PVT1: variants seen among roughly 807,000 people sequenced by gnomAD.
PVT1 encodes CXCR4/PVT1 fusion.
chr8:127,960,352 G>A (rs1280967701), intron 3 of PVT1, among the ~76,000 whole-genome samples: 1 of 152,118 alleles, frequency 6.6e-6, no homozygotes, highest in African/African-American at 2.4e-5. Flanking sequence ...TTGCCTCCCT[G>A]GTCTTGCCTC....
At chr8:127,919,536 G>T (rs1270774228) in intron 3 of PVT1, among the ~76,000 whole-genome samples, 1 of 152,162 alleles carries the variant, frequency 6.6e-6, no homozygotes, top group African/African-American at 2.4e-5. Context: ...AGTGGGGTCT[G>T]CCCCCTCCCC....
chr8:127,828,031 G>A (rs968669450), intron 2 of PVT1, among the ~76,000 whole-genome samples: 7 of 152,070 alleles, frequency 4.6e-5, no homozygotes, highest in Middle Eastern at 3.2e-3. Context: ...CCTACTTTTT[G>A]TTTCTCCATT....
intron 3 of PVT1, among the ~76,000 whole-genome samples, chr8:127,934,024 T>C (rs1011941294): frequency 6.6e-6 from 1 of 152,220 alleles, no homozygotes; most frequent in Non-Finnish European, 1.5e-5. Context: ...AAGTCAACAT[T>C]GTAGTTGCTG....
chr8:127,900,687 T>A (rs1815748730), intron 3 of PVT1, among the ~76,000 whole-genome samples: 1 of 152,236 alleles, frequency 6.6e-6, no homozygotes, highest in Non-Finnish European at 1.5e-5. Flanking sequence ...TTGTAAACAA[T>A]GCTGTCATGA....
intron 5 of PVT1, among the ~76,000 whole-genome samples, chr8:128,074,617 A>G (rs1466325751): frequency 6.6e-6 from 1 of 151,898 alleles, no homozygotes; most frequent in East Asian, 1.9e-4. Flanking sequence ...AGCTATCTTC[A>G]TTTAATGTGG....
At chr8:127,994,011 C>A (rs1413136420) in intron 4 of PVT1, among the ~76,000 whole-genome samples, 1 of 152,196 alleles carries the variant, frequency 6.6e-6, no homozygotes, top group Non-Finnish European at 1.5e-5. Flanking sequence ...GAGATCCCCC[C>A]TGCTCATGGA....
At chr8:127,960,624 C>T (rs1016450035) in intron 3 of PVT1, 1 of 510,070 alleles carries the variant, frequency 2.0e-6, no homozygotes, top group African/African-American at 2.0e-5. Context: ...AAAGTGAACA[C>T]TTATCACTGA....
chr8:128,040,663 A>C (rs1813519367), intron 4 of PVT1, among the ~76,000 whole-genome samples: 1 of 152,188 alleles, frequency 6.6e-6, no homozygotes, highest in Non-Finnish European at 1.5e-5. Context: ...GAGCCAGTCC[A>C]TGGGGCCGCA....
intron 5 of PVT1, among the ~76,000 whole-genome samples, chr8:128,074,086 G>A (rs1814046966): frequency 6.6e-6 from 1 of 152,158 alleles, no homozygotes; most frequent in African/African-American, 2.4e-5. Flanking sequence ...GTGATGCACT[G>A]TATTCAAGTG....
chr8:127,994,352 C>A (rs932954444), intron 4 of PVT1, among the ~76,000 whole-genome samples: 1 of 152,208 alleles, frequency 6.6e-6, no homozygotes, highest in Non-Finnish European at 1.5e-5. Flanking sequence ...ACCTCCCCAG[C>A]ACCTTGTGTG....
intron 4 of PVT1, among the ~76,000 whole-genome samples, chr8:128,069,344 TA>T (rs1813953071): frequency 6.6e-6 from 1 of 152,182 alleles, no homozygotes; most frequent in Non-Finnish European, 1.5e-5. Flanking sequence ...TAGAATAAAG[TA>T]AAAGGCAATA....
intron 4 of PVT1, among the ~76,000 whole-genome samples, chr8:128,005,284 T>C (rs536185417): frequency 6.6e-6 from 1 of 152,302 alleles, no homozygotes; most frequent in African/African-American, 2.4e-5. Flanking sequence ...TCAGCTATCG[T>C]TAGTGTTAGT....
chr8:127,817,525 T>A (rs371277483), intron 2 of PVT1, among the ~76,000 whole-genome samples: 3 of 33,064 alleles, frequency 9.1e-5, no homozygotes, highest in African/African-American at 4.7e-4. Context: ...ATATATCTAT[T>A]TAAATATATA....
At chr8:127,868,795 A>ATATATATGTATATACATATATATATACG (rs1815319073) in intron 2 of PVT1, among the ~76,000 whole-genome samples, 2 of 55,328 alleles carry the variant, frequency 3.6e-5, no homozygotes, top group Non-Finnish European at 8.9e-5. Flanking sequence ...ATATATATAC[A>ATATATATGTATATACATATATATATACG]TATATATGTA....
At chr8:127,862,195 G>C (rs1019221213) in intron 2 of PVT1, among the ~76,000 whole-genome samples, 1 of 152,158 alleles carries the variant, frequency 6.6e-6, no homozygotes, top group Admixed American at 6.5e-5. Context: ...ATCACTTGAG[G>C]TCAGGAGTTC....
At chr8:127,874,193 C>T (rs544151841) in intron 2 of PVT1, among the ~76,000 whole-genome samples, 11 of 152,220 alleles carry the variant, frequency 7.2e-5, no homozygotes, top group Admixed American at 3.3e-4. Context: ...GTAGAGGTGA[C>T]AGGCTTAGGA....
intron 3 of PVT1, among the ~76,000 whole-genome samples, chr8:127,897,059 C>T (rs1391078849): frequency 6.6e-6 from 1 of 152,134 alleles, no homozygotes; most frequent in Non-Finnish European, 1.5e-5. Context: ...TGTAACAAGC[C>T]TTGAGAAAAC....
At chr8:128,047,141 T>C (rs1813624845) in intron 4 of PVT1, among the ~76,000 whole-genome samples, 1 of 152,262 alleles carries the variant, frequency 6.6e-6, no homozygotes, top group South Asian at 2.1e-4. Flanking sequence ...AGTTGACATT[T>C]GCTGTGCCTT....
chr8:127,960,948 G>A lies in PVT1; in HGVS notation n.783-28214G>A, dbSNP rs1476652260. ...CTTGTGTGTGTGTTTGGGGGTGGGG[G>A]GGGCGGGCGGGCACGAATAGGGGAG... On this transcript the variant is annotated intron_variant and non_coding_transcript_variant, in intron 3 of 10. Transcript: ENST00000651587. 2.9e-4 allele frequency among the ~76,000 whole-genome samples: 39 copies of A among 132,568 alleles called. 1 individual carries two copies. The highest frequency in any genetic ancestry group is 8.3e-4 in the Admixed American group (11 of 13,318). 87.0% of individuals were successfully genotyped at this position (132,568 alleles called of 152,430 possible). A position where few individuals can be genotyped will look rare whatever the true frequency, so the allele number is the denominator to read the frequency against.
Sources: gnomAD v4.1 joint callset for allele counts (sites outside exome capture counted in the v4.1 genomes callset) on GRCh38, gnomAD v4.1.1 for gene constraint, MANE v1.5 for transcripts, NCBI Gene and HGNC (gene_info 2026-07-23, HGNC 2026-07-21) for gene names.